RAB38: variants seen among roughly 807,000 people sequenced by gnomAD.
RAB38 encodes RAB38, member RAS oncogene family, also known as ras-related protein Rab-38.
Under a neutral mutation model 18.4 loss-of-function variants are expected in RAB38, and 15 were observed. That is an observed-to-expected ratio of 0.82 (90% CI 0.55 to 1.26). The LOEUF is 1.26. Among genes scored for constraint, RAB38 ranks in the 50% most tolerant of loss-of-function variants. The pLI is 0.00. For synonymous variants in RAB38, 101 were observed against 104.4 expected (o/e 0.97, Z 0.20); for missense variants, 294 against 267.4 (o/e 1.10, Z -0.69).
the RAB38 span, among the ~76,000 whole-genome samples, chr11:88,022,611 C>CAA: frequency 0.079 from 4,127 of 52,140 alleles, 190 homozygotes; most frequent in Middle Eastern, 0.19. Context: ...AAAGACCCCA[C>CAA]AAAAAAAAAA....
At chr11:88,014,748 G>C in the RAB38 span, among the ~76,000 whole-genome samples, 1 of 152,116 alleles carries the variant, frequency 6.6e-6, no homozygotes, top group Non-Finnish European at 1.5e-5. Flanking sequence ...ATTGGCTTAA[G>C]AATGGGTGGG....
chr11:87,847,250 G>A, the RAB38 span, among the ~76,000 whole-genome samples: 1 of 151,936 alleles, frequency 6.6e-6, no homozygotes, highest in Admixed American at 6.6e-5. Context: ...CAAACCTATG[G>A]CTAGAATATC....
chr11:88,109,686 C>A (rs565726084), downstream of RAB38, among the ~76,000 whole-genome samples: 3 of 152,078 alleles, frequency 2.0e-5, no homozygotes, highest in South Asian at 4.2e-4. Context: ...AAAAAAACAA[C>A]CCCAACAAAA....
intron 1 of RAB38, among the ~76,000 whole-genome samples, chr11:88,160,599 C>T (rs1340468683): frequency 1.3e-5 from 2 of 152,010 alleles, no homozygotes; most frequent in Admixed American, 1.3e-4. Flanking sequence ...ATCAATGGTG[C>T]ACTTGTTAAA....
chr11:88,043,857 C>A, the RAB38 span, among the ~76,000 whole-genome samples: 1 of 152,220 alleles, frequency 6.6e-6, no homozygotes, highest in African/African-American at 2.4e-5. Context: ...AATCCCCTCT[C>A]CTCCTACTCT....
At chr11:88,091,990 T>G in the RAB38 span, among the ~76,000 whole-genome samples, 1 of 151,832 alleles carries the variant, frequency 6.6e-6, no homozygotes, top group Admixed American at 6.6e-5. Context: ...CAATAATTTT[T>G]GGGTCATTGC....
chr11:88,137,392 T>C (rs1393429734), intron 2 of RAB38, among the ~76,000 whole-genome samples: 1 of 152,176 alleles, frequency 6.6e-6, no homozygotes, highest in Non-Finnish European at 1.5e-5. Context: ...TATAATCAAC[T>C]ATCACATTCT....
At chr11:87,838,263 T>A in the RAB38 span, among the ~76,000 whole-genome samples, 1 of 152,078 alleles carries the variant, frequency 6.6e-6, no homozygotes, top group African/African-American at 2.4e-5. Context: ...TACAGGCGCC[T>A]GCCACCACGC....
At chr11:87,834,835 A>G in the RAB38 span, among the ~76,000 whole-genome samples, 5 of 152,308 alleles carry the variant, frequency 3.3e-5, no homozygotes, top group East Asian at 9.6e-4. Context: ...TGAGACACAA[A>G]TGGCATAATA....
At chr11:87,966,914 G>A in the RAB38 span, among the ~76,000 whole-genome samples, 154 of 152,214 alleles carry the variant, frequency 1.0e-3, no homozygotes, top group African/African-American at 3.4e-3. Context: ...TAAGAGCTTC[G>A]CATTGAACAA....
the RAB38 span, among the ~76,000 whole-genome samples, chr11:87,949,334 A>G: frequency 6.6e-6 from 1 of 152,158 alleles, no homozygotes; most frequent in African/African-American, 2.4e-5. Context: ...TCCTTTCAAA[A>G]AACCAGATCC....
the RAB38 span, among the ~76,000 whole-genome samples, chr11:87,952,351 C>G: frequency 6.6e-6 from 1 of 152,154 alleles, no homozygotes; most frequent in African/African-American, 2.4e-5. Context: ...TCTCTCGAAG[C>G]TAAAGGTTAC....
chr11:88,127,083 A>G (rs538481648), intron 2 of RAB38, among the ~76,000 whole-genome samples: 1 of 152,338 alleles, frequency 6.6e-6, no homozygotes, highest in South Asian at 2.1e-4. Context: ...TTATGGCTAA[A>G]TGATTTTAGA....
chr11:87,977,534 ATATCAT>A, the RAB38 span, among the ~76,000 whole-genome samples: 2 of 116,650 alleles, frequency 1.7e-5, no homozygotes, highest in African/African-American at 3.4e-5. Context: ...TAATATAATT[ATATCAT>A]TATTATATAA....
At chr11:88,076,818 G>T in the RAB38 span, among the ~76,000 whole-genome samples, 2 of 150,314 alleles carry the variant, frequency 1.3e-5, no homozygotes, top group African/African-American at 4.9e-5. Context: ...ATTTAGCCGG[G>T]AGTGGTTGTG....
At chr11:87,876,507 CA>C in the RAB38 span, among the ~76,000 whole-genome samples, 1 of 151,486 alleles carries the variant, frequency 6.6e-6, no homozygotes, top group Non-Finnish European at 1.5e-5. Context: ...GAAAGAGTAA[CA>C]AATATTAATT....
the RAB38 span, among the ~76,000 whole-genome samples, chr11:87,872,165 G>A: frequency 6.6e-6 from 1 of 151,516 alleles, no homozygotes; most frequent in East Asian, 2.0e-4. Flanking sequence ...CCATTCTGGT[G>A]TGCATTTAGT....
At chr11:88,045,379 A>G in the RAB38 span, among the ~76,000 whole-genome samples, 1 of 152,200 alleles carries the variant, frequency 6.6e-6, no homozygotes, top group Non-Finnish European at 1.5e-5. Context: ...AACCCCAGCC[A>G]TATCTCCAGC....
the RAB38 span, among the ~76,000 whole-genome samples, chr11:87,826,466 C>A: frequency 0.11 from 17,255 of 151,906 alleles, 1,282 homozygotes; most frequent in African/African-American, 0.2. Flanking sequence ...TGTGACATTG[C>A]TTTTTATATA....
Sources: gnomAD v4.1 joint callset for allele counts (sites outside exome capture counted in the v4.1 genomes callset) on GRCh38, gnomAD v4.1.1 for gene constraint, MANE v1.5 for transcripts, NCBI Gene and HGNC (gene_info 2026-07-23, HGNC 2026-07-21) for gene names.